Variants in AK7 observed in about 807,000 individuals in gnomAD.
The protein encoded by AK7 is adenylate kinase 7, also known as ATP-AMP transphosphorylase 7.
In AK7, 78 loss-of-function variants were observed where a neutral mutation model predicts 96.6. The ratio of observed to expected loss-of-function variants is 0.81; its 90% CI spans 0.67 to 0.97. The LOEUF (loss-of-function observed/expected upper bound fraction) is 0.97. AK7 is among the 50% of genes least tolerant of loss of function. The probability of loss-of-function intolerance (pLI) is 0.00; values close to 1 mark genes in which losing one functional copy is unlikely to be tolerated. For missense variants in AK7, 855 were observed against 887.9 expected (o/e 0.96, Z 0.47); for synonymous variants, 302 against 317.2 (o/e 0.95, Z 0.51).
chr14:96,477,653 C>A (rs983624969), intron 14 of AK7, among the ~76,000 whole-genome samples: 3 of 152,202 alleles, frequency 2.0e-5, no homozygotes, highest in African/African-American at 7.2e-5. Context: ...AAAAGAAAAT[C>A]ACAGATGGGT....
intron 15 of AK7, among the ~76,000 whole-genome samples, chr14:96,481,948 G>A (rs1895527918): frequency 6.6e-6 from 1 of 151,880 alleles, no homozygotes; most frequent in Non-Finnish European, 1.5e-5. Context: ...CAACCTACTC[G>A]GCCTCCCAAA....
At chr14:96,426,675 T>C (rs905575421) in intron 5 of AK7, among the ~76,000 whole-genome samples, 5 of 152,216 alleles carry the variant, frequency 3.3e-5, no homozygotes, top group Non-Finnish European at 7.3e-5. Flanking sequence ...TTTCACCAGA[T>C]ATACTATTCT....
intron 13 of AK7, among the ~76,000 whole-genome samples, chr14:96,471,858 C>T (rs766779858): frequency 2.6e-5 from 4 of 151,684 alleles, no homozygotes; most frequent in African/African-American, 7.3e-5. Flanking sequence ...ATACTTAACA[C>T]GAGATCTGCC....
chr14:96,464,630 A>G (rs141636617), intron 12 of AK7, among the ~76,000 whole-genome samples: 2,460 of 151,422 alleles, frequency 0.016, 77 homozygotes, highest in African/African-American at 0.056. Flanking sequence ...GTGACAGGCT[A>G]TTAGTATTGT....
chr14:96,447,992 A>G (rs751877298), intron 8 of AK7, among the ~76,000 whole-genome samples: 5 of 151,362 alleles, frequency 3.3e-5, no homozygotes, highest in African/African-American at 9.7e-5. Flanking sequence ...TTAGCCGTGC[A>G]TGGTGGTGTG....
intron 5 of AK7, among the ~76,000 whole-genome samples, chr14:96,431,444 A>T (rs960322360): frequency 5.9e-5 from 9 of 152,128 alleles, no homozygotes; most frequent in Non-Finnish European, 2.9e-5. Flanking sequence ...TGTCCCAGAG[A>T]TTCTGGTACG....
intron 2 of AK7, 57 bp downstream of exon 2, chr14:96,398,320 C>A: frequency 6.4e-7 from 1 of 1,568,714 alleles, no homozygotes; most frequent in South Asian, 1.1e-5. Context: ...CCTTCCGCTC[C>A]AACGCCTTGA....
intron 8 of AK7, among the ~76,000 whole-genome samples, chr14:96,448,969 C>A (rs77403217): frequency 4.2e-5 from 5 of 120,340 alleles, no homozygotes; most frequent in East Asian, 5.4e-4. Context: ...AACAAACAAA[C>A]AAAAAAATTG....
At chr14:96,410,402 GA>G (rs2140009859) in intron 4 of AK7, among the ~76,000 whole-genome samples, 1 of 152,310 alleles carries the variant, frequency 6.6e-6, no homozygotes, top group East Asian at 1.9e-4. Flanking sequence ...GCAAAATAAT[GA>G]ACAAGTTCAA....
chr14:96,442,567 A>G (rs1049631821), intron 6 of AK7, among the ~76,000 whole-genome samples, 163 bp from the exon 7 acceptor site: 3 of 152,158 alleles, frequency 2.0e-5, no homozygotes, highest in African/African-American at 7.2e-5. Flanking sequence ...GCAGAATTTG[A>G]TCCTAAATCT....
intron 13 of AK7, 40 bp from the exon 14 acceptor site, chr14:96,472,647 T>C (rs1894961911): frequency 1.3e-6 from 2 of 1,538,386 alleles, no homozygotes; most frequent in East Asian, 2.3e-5. Context: ...ATAGTAATAA[T>C]ATATTAATAA....
At chr14:96,429,980 T>C (rs1037693237) in intron 5 of AK7, among the ~76,000 whole-genome samples, 78 of 152,232 alleles carry the variant, frequency 5.1e-4, no homozygotes, top group African/African-American at 1.7e-3. Context: ...ATTGCCCTGG[T>C]CAGAACTTCC....
chr14:96,417,240 T>A (rs571947204), intron 4 of AK7, among the ~76,000 whole-genome samples: 1 of 152,320 alleles, frequency 6.6e-6, no homozygotes, highest in African/African-American at 2.4e-5. Context: ...GGACACCCAG[T>A]TAGATCTGAA....
intron 3 of AK7, among the ~76,000 whole-genome samples, chr14:96,407,593 TTTTTTTG>T: frequency 6.8e-6 from 1 of 147,560 alleles, no homozygotes. Context: ...TTTTTTTTTT[TTTTTTTG>T]AGACAGAGTC....
Position 96,437,935 on chromosome 14 carries a change from C to T in AK7, c.690+20C>T, listed in dbSNP as rs377456389. ...TTTAAGGTATGGCTTTCAATGATGA[C>T]GTGGAATGTTTAAAAGTGTCTTACG... On this transcript the variant is annotated intron_variant, in intron 6 of 17. Coordinates refer to ENST00000267584, the MANE Select transcript of AK7 (RefSeq NM_152327.5). The T allele has an allele frequency of 1.0e-5, 16 of 1,601,702 alleles. No homozygotes were observed. Among genetic ancestry groups the T allele is most frequent in the African/African-American group, 8.1e-5 (6 of 74,498 alleles).
chr14:96,399,498 C>T lies in AK7; in HGVS notation c.294+1235C>T, dbSNP rs952782895. The stretch of plus-strand genomic sequence containing the variant: ...TGGCCACCAGCCTCTTTCTCTGCCC[C>T]GGCCCCTGCCACCACTGAACTTCAG... On this transcript the variant is annotated intron_variant, in intron 2 of 17. Transcript: ENST00000267584. The surrounding 1 kb of genome is among the most constrained non-coding windows in gnomAD (Gnocchi z 4.1). 6.6e-6 allele frequency among the ~76,000 whole-genome samples: 1 copy of T among 152,238 alleles called. No homozygotes were observed. Among genetic ancestry groups the T allele is most frequent in the African/African-American group, 2.4e-5 (1 of 41,464 alleles).
At chr14:96,460,464 G>A (rs1319961478) in intron 12 of AK7, among the ~76,000 whole-genome samples, 1 of 152,184 alleles carries the variant, frequency 6.6e-6, no homozygotes, top group Non-Finnish European at 1.5e-5. Context: ...CAACTCGGAT[G>A]TAAGTTGGCA....
rs573779952 is a variant in AK7 at position 96,395,512 on chromosome 14, C to CA, written c.106-2557dup. The stretch of plus-strand genomic sequence containing the variant: ...CGGTGTTGTTCAAGGGTCACCTGTA[C>CA]AAAAAACGGAGGTGATATGAACATG... On this transcript the variant is annotated intron_variant, in intron 1 of 17. Transcript: ENST00000267584. Among the ~76,000 whole-genome samples, 250 of 151,366 alleles carry CA rather than the reference C, an allele frequency of 1.7e-3. 3 individuals are homozygous for CA. In the South Asian group the frequency reaches 0.046, roughly 28 times the overall value.
At chr14:96,459,056 G>A (rs1371924918) in intron 12 of AK7, among the ~76,000 whole-genome samples, 3 of 151,800 alleles carry the variant, frequency 2.0e-5, no homozygotes, top group Non-Finnish European at 2.9e-5. Context: ...GAAAAAAATC[G>A]GCTGTGCCCG....
Sources: gnomAD v4.1 joint callset for allele counts (sites outside exome capture counted in the v4.1 genomes callset) on GRCh38, gnomAD v4.1.1 for gene constraint, Gnocchi (gnomAD v3.1) non-coding constraint, MANE v1.5 for transcripts, NCBI Gene and HGNC (gene_info 2026-07-23, HGNC 2026-07-21) for gene names.